MROH2A: variants seen among roughly 807,000 people sequenced by gnomAD.
MROH2A encodes maestro heat-like repeat-containing protein family member 2A.
A neutral mutation model predicts 200.4 loss-of-function variants in MROH2A; 174 were observed. The observed-to-expected ratio is 0.87, with a 90% CI of 0.77 to 0.98. The LOEUF (loss-of-function observed/expected upper bound fraction) is 0.98. MROH2A is among the 50% of genes least tolerant of loss of function. The probability of loss-of-function intolerance (pLI) is 0.00; values close to 1 mark genes in which losing one functional copy is unlikely to be tolerated. For synonymous variants in MROH2A, 829 were observed against 840.4 expected, an observed-to-expected ratio of 0.99 and a Z score of 0.23; for missense variants, 2,045 against 2,139.6, an observed-to-expected ratio of 0.96 and a Z score of 0.87.
At chr2:233,810,746 G>C in intron 22 of MROH2A, 48 bp from the exon 23 acceptor site, 1 of 1,543,750 alleles carries the variant, frequency 6.5e-7, no homozygotes, top group Non-Finnish European at 8.8e-7. Flanking sequence ...GATTCTTCTG[G>C]GGCTGCTCAC....
intron 27 of MROH2A, among the ~76,000 whole-genome samples, chr2:233,817,299 C>G (rs1353939966): frequency 6.6e-6 from 1 of 152,168 alleles, no homozygotes; most frequent in African/African-American, 2.4e-5. Flanking sequence ...TCTGACACAG[C>G]CTGATGAGAC....
At chr2:233,792,958 TA>T in intron 6 of MROH2A, 64 bp downstream of exon 6, 2 of 1,475,700 alleles carry the variant, frequency 1.4e-6, no homozygotes. Context: ...GACTGCTGGG[TA>T]AGGAGCAGAT....
rs1703976946 is a variant in MROH2A, at chr2:233,822,116, T to G, written c.3513-8T>G. 5 of 1,547,290 alleles carry G rather than the reference T, an allele frequency of 3.2e-6. No individual in the cohort carries two copies. The highest frequency in any genetic ancestry group is 4.4e-6 in the Non-Finnish European group (5 of 1,144,986). Reference sequence around the variant, plus strand: ...AACTCACAGTCCTTGTGCCCTGACTTTGGTTAGCCACCTGGCAGAGGTGTG... The same window carrying G: ...AACTCACAGTCCTTGTGCCCTGACTGTGGTTAGCCACCTGGCAGAGGTGTG... On this transcript the variant is annotated splice_polypyrimidine_tract_variant and splice_region_variant and intron_variant, in intron 31 of 41. Transcript: ENST00000389758.
intron 15 of MROH2A, chr2:233,802,553 C>T (rs1702539259): frequency 2.2e-6 from 1 of 445,784 alleles, no homozygotes; most frequent in Non-Finnish European, 4.0e-6. Flanking sequence ...GTCCTGTCCC[C>T]CCAGCCCACA....
chr2:233,809,398 G>A, intron 22 of MROH2A, 120 bp downstream of exon 22: 1 of 1,130,208 alleles, frequency 8.8e-7, no homozygotes, highest in Non-Finnish European at 1.3e-6. Context: ...CTTACCTGAT[G>A]CCCAGCACGT....
At chr2:233,805,252 G>A in intron 19 of MROH2A, 141 bp downstream of exon 19, 2 of 549,830 alleles carry the variant, frequency 3.6e-6, no homozygotes, top group Non-Finnish European at 6.3e-6. Flanking sequence ...AGCGTGGTCT[G>A]GATTGGTGGT....
intron 5 of MROH2A, 52 bp from the exon 6 acceptor site, chr2:233,792,744 T>C: frequency 8.4e-7 from 1 of 1,195,186 alleles, no homozygotes; most frequent in South Asian, 1.3e-5. Context: ...CTGCCTTCTC[T>C]CTGCTCACCC....
intron 3 of MROH2A, among the ~76,000 whole-genome samples, chr2:233,787,455 ATT>A (rs1701266866): frequency 1.6e-5 from 2 of 126,504 alleles, no homozygotes; most frequent in African/African-American, 6.2e-5. Flanking sequence ...ATACATATAT[ATT>A]ATATATATAT....
chr2:233,810,954 G>GT (rs1703112642), intron 23 of MROH2A, 38 bp downstream of exon 23: 2 of 1,546,818 alleles, frequency 1.3e-6, no homozygotes, highest in Non-Finnish European at 1.7e-6. Context: ...CCTGTTCCTG[G>GT]TTTTGGGGTC....
At position 233,831,524 on chromosome 2, in the gene MROH2A, C is replaced by T. The variant is rs552712341; in HGVS notation, c.4718C>T (p.Thr1573Ile). The T allele has an allele frequency of 5.8e-6, 9 of 1,549,958 alleles. No individual in the cohort carries two copies. In the Admixed American group the frequency reaches 9.8e-5, roughly 17 times the overall value. Residue 1573 changes from threonine (T) to isoleucine (I), a missense_variant, in exon 39 of 42, where the codon ACC becomes ATC. Thr to Ile is a moderately conservative substitution (Grantham distance 89). Coordinates refer to ENST00000389758, the MANE Select transcript of MROH2A (RefSeq NM_001394639.1). ...TDDKMTVFQT[T>I]MCSILTRKKP... ...GACAAGATGACCGTTTTCCAGACAACCATGTGCTCCATCCTGGTGAGGAAG... is the reference window on the plus strand; with the variant it reads ...GACAAGATGACCGTTTTCCAGACAATCATGTGCTCCATCCTGGTGAGGAAG...
intron 15 of MROH2A, 92 bp from the exon 16 acceptor site, chr2:233,803,356 C>A (rs1373294655): frequency 8.6e-6 from 12 of 1,388,358 alleles, no homozygotes; most frequent in Non-Finnish European, 1.2e-5. Context: ...TGGGGAGGAA[C>A]CTTCTAGGGT....
rs1247959944 is a variant in MROH2A at position 233,807,403 on chromosome 2, C to T, written c.2053-20C>T. 1.3e-6 allele frequency: 2 copies of T among 1,542,378 alleles called. No individual in the cohort carries two copies. Among genetic ancestry groups the T allele is most frequent in the Non-Finnish European group, 8.8e-7 (1 of 1,141,246 alleles). On this transcript the variant is annotated intron_variant, in intron 19 of 41. Coordinates refer to ENST00000389758, the MANE Select transcript of MROH2A (RefSeq NM_001394639.1). The surrounding 1 kb of genome is among the most constrained non-coding windows in gnomAD (Gnocchi z 4.3). ...GGCTGTAGGGAGGCCTGAGCTCCTT[C>T]CTCCCTTCTGCCTCTCCAGGGCTTT...
Position 233,789,867 on chromosome 2 carries a change from A to C in MROH2A, c.424A>C (p.Lys142Gln), listed in dbSNP as rs974808794. Residue 142 changes from lysine (K) to glutamine (Q), a missense_variant, in exon 5 of 42, where the codon AAG becomes CAG. Around this residue, in one of 3 missense-constraint regions of MROH2A, gnomAD observed 831 missense variants for 800.0 expected, o/e 1.04. Transcript: ENST00000389758. Reference sequence around the variant, plus strand: ...TCTCCTGCAGATGGAGGGCTATATGAAGGCAGAGGTGGCCAGCGACACACT... The same window carrying C: ...TCTCCTGCAGATGGAGGGCTATATGCAGGCAGAGGTGGCCAGCGACACACT... ...REIPEMEGYMKAEVASDTLVA... is the reference protein window; with the variant it reads ...REIPEMEGYMQAEVASDTLVA... The C allele has an allele frequency of 1.3e-6, 2 of 1,549,798 alleles. No individual in the cohort carries two copies. The highest frequency in any genetic ancestry group is 1.7e-4 in the Middle Eastern group (1 of 5,850).
intron 35 of MROH2A, among the ~76,000 whole-genome samples, chr2:233,827,963 G>T (rs976698643): frequency 6.6e-5 from 10 of 152,280 alleles, no homozygotes; most frequent in African/African-American, 2.4e-4. Context: ...GAATGGAAGT[G>T]CTGTAGGAAG....
intron 3 of MROH2A, 117 bp from the exon 4 acceptor site, chr2:233,789,380 T>G: frequency 2.8e-6 from 3 of 1,053,742 alleles, no homozygotes; most frequent in East Asian, 3.3e-5. Flanking sequence ...GGATCTAAGA[T>G]TTGTGTGTTT....
rs57453894 is a variant in MROH2A at position 233,828,487 on chromosome 2, T to C, written c.4114-143T>C. 6.4e-3 allele frequency: 6,521 copies of C among 1,018,562 alleles called. 296 individuals are homozygous for C. In the African/African-American group the frequency reaches 0.093, roughly 15 times the overall value. 63.1% of individuals were successfully genotyped at this position (1,018,562 alleles called of 1,614,324 possible). On this transcript the variant is annotated intron_variant, in intron 35 of 41. Coordinates refer to ENST00000389758, the MANE Select transcript of MROH2A (RefSeq NM_001394639.1). The surrounding 1 kb of genome is among the most constrained non-coding windows in gnomAD (Gnocchi z 4.6). ...AGGTACTAGCATCACCCGCTTTTTATAGAGAGGAAACGGAGGCTCTCAGAG... is the reference window on the plus strand; with the variant it reads ...AGGTACTAGCATCACCCGCTTTTTACAGAGAGGAAACGGAGGCTCTCAGAG...
rs765958001 is a variant in MROH2A, at chr2:233,789,870, G to C, written c.427G>C (p.Ala143Pro). 1 of 1,550,140 alleles carries C rather than the reference G, an allele frequency of 6.5e-7. No individual in the cohort carries two copies. The highest frequency in any genetic ancestry group is 1.2e-5 in the South Asian group (1 of 84,028). The stretch of plus-strand genomic sequence containing the variant: ...CCTGCAGATGGAGGGCTATATGAAG[G>C]CAGAGGTGGCCAGCGACACACTGGT... ...EIPEMEGYMK[A>P]EVASDTLVAL... The change falls in exon 5 of 42, where the codon GCA becomes CCA. Residue 143 changes from alanine (A) to proline (P), a missense_variant. By Grantham distance (27) the Ala-to-Pro change is conservative. Around this residue, in one of 3 missense-constraint regions of MROH2A, gnomAD observed 831 missense variants for 800.0 expected, o/e 1.04. Transcript: ENST00000389758.
chr2:233,810,538 C>T (rs533894454), intron 22 of MROH2A, among the ~76,000 whole-genome samples: 2 of 152,356 alleles, frequency 1.3e-5, no homozygotes, highest in African/African-American at 4.8e-5. Flanking sequence ...AATGGGGACA[C>T]AGCCAAACTA....
Position 233,818,125 on chromosome 2 carries a change from G to T in MROH2A, c.3085G>T (p.Ala1029Ser). ...CCTGTCCAGCCTGCTAGATCTTCAC[G>T]GTATGAGAGGGCAGGACATGAGGAC... Reference protein sequence around the residue: ...NVLSSLLDLHASQTCSLWGPS... With the variant: ...NVLSSLLDLHSSQTCSLWGPS... The change falls in exon 28 of 42, where the codon GCA becomes TCA. Residue 1029 changes from alanine to serine, a missense_variant and splice_region_variant. Physicochemically the swap from Ala to Ser is moderately conservative, Grantham distance 99 (BLOSUM62 1). Coordinates refer to ENST00000389758, the MANE Select transcript of MROH2A (RefSeq NM_001394639.1). 6.5e-7 allele frequency: 1 copy of T among 1,550,310 alleles called. No homozygotes were observed. Among genetic ancestry groups the T allele is most frequent in the Non-Finnish European group, 8.7e-7 (1 of 1,146,990 alleles).
Sources: gnomAD v4.1 joint callset for allele counts (sites outside exome capture counted in the v4.1 genomes callset) on GRCh38, gnomAD v4.1.1 for gene constraint, gnomAD v4.1.1 regional missense constraint, Gnocchi (gnomAD v3.1) non-coding constraint, MANE v1.5 for transcripts, NCBI Gene and HGNC (gene_info 2026-07-23, HGNC 2026-07-21) for gene names.